The following DPAGT1 variants were observed in gnomAD, a reference collection of about 807,000 sequenced individuals.
DPAGT1 encodes UDP-N-acetylglucosamine--dolichyl-phosphate N-acetylglucosaminephosphotransferase.
Under a neutral mutation model 39.3 loss-of-function variants are expected in DPAGT1, and 25 were observed. That is an observed-to-expected ratio of 0.64 (90% confidence interval 0.46 to 0.89). DPAGT1 has a LOEUF of 0.89. Among genes scored for constraint, DPAGT1 ranks in the 40% least tolerant of loss-of-function variants. The pLI is 0.00. For synonymous variants in DPAGT1, 193 were observed against 201.4 expected, an observed-to-expected ratio of 0.96 and a Z score of 0.36; for missense variants, 381 against 500.6, an observed-to-expected ratio of 0.76 and a Z score of 2.28.
chr11:119,101,072 G>A lies in DPAGT1; in HGVS notation c.228C>T (p.Phe76=). 6.2e-7 allele frequency: 1 copy of A among 1,614,186 alleles called. No homozygotes were observed. Among genetic ancestry groups the A allele is most frequent in the Non-Finnish European group, 8.5e-7 (1 of 1,180,038 alleles). Residue 76 remains phenylalanine (F), a synonymous_variant, in exon 2 of 9, where the codon TTC becomes TTT. Coordinates refer to ENST00000354202, the MANE Select transcript of DPAGT1 (RefSeq NM_001382.4). The part of the protein sequence containing the change: ...FLIILFCFIP[F]PFLNCFVKEQ... The stretch of plus-strand genomic sequence containing the variant: ...CCTTCACAAAGCAGTTCAGGAAGGG[G>A]AAAGGGATGAAGCAGAAGAGGATGA...
Position 119,100,367 on chromosome 11 carries a change from A to G in DPAGT1, c.538T>C (p.Cys180Arg). 6.2e-7 allele frequency: 1 copy of G among 1,614,248 alleles called. No homozygotes were observed. The highest frequency in any genetic ancestry group is 1.1e-5 in the South Asian group (1 of 91,084). ...GCTAGGATATTGATGGCATTGGTACAGAACACTGCCAGCAGCCCCATGTAG... is the reference window on the plus strand; with the variant it reads ...GCTAGGATATTGATGGCATTGGTACGGAACACTGCCAGCAGCCCCATGTAG... The part of the protein sequence containing the change: ...YVYMGLLAVF[C>R]TNAINILAGI... The change falls in exon 4 of 9, where the codon TGT becomes CGT. Residue 180 changes from cysteine (C) to arginine (R), a missense_variant. Coordinates refer to ENST00000354202, the MANE Select transcript of DPAGT1 (RefSeq NM_001382.4).
At chr11:119,100,124 T>C in intron 4 of DPAGT1, 138 bp downstream of exon 4, 1 of 1,372,390 alleles carries the variant, frequency 7.3e-7, no homozygotes, top group Non-Finnish European at 1.0e-6. Context: ...TGCATTGTTA[T>C]TTGCAAAGTA....
rs943267484 is a variant in DPAGT1 at position 119,098,307 on chromosome 11, C to T, written c.728+96G>A. The stretch of plus-strand genomic sequence containing the variant: ...ACGCAGAAAACTCCATAGAGGTATG[C>T]GCAGGTTTAGCTTCACCACCACAAG... On this transcript the variant is annotated intron_variant, in intron 5 of 8. Coordinates refer to ENST00000354202, the MANE Select transcript of DPAGT1 (RefSeq NM_001382.4). 14 of 1,363,982 alleles carry T rather than the reference C, an allele frequency of 1.0e-5. No homozygotes were observed. In the African/African-American group the frequency reaches 1.1e-4, roughly 11 times the overall value. The allele number at this position is 1,363,982 out of a possible 1,614,324, so 84.5% of individuals were successfully genotyped here.
At chr11:119,095,467 T>C, downstream of DPAGT1, 1 of 1,436,678 alleles carries the variant, frequency 7.0e-7, no homozygotes, top group Non-Finnish European at 9.1e-7. Flanking sequence ...GTAACTGCTG[T>C]CGCGCGCGCG....
chr11:119,096,265 CTT>C (rs1254723443), downstream of DPAGT1, among the ~76,000 whole-genome samples: 1 of 152,202 alleles, frequency 6.6e-6, no homozygotes, highest in Admixed American at 6.5e-5. Flanking sequence ...CCCGGTGACT[CTT>C]TGAAAGTTTG....
intron 4 of DPAGT1, among the ~76,000 whole-genome samples, chr11:119,099,813 G>A (rs554854384): frequency 6.7e-6 from 1 of 149,584 alleles, no homozygotes; most frequent in African/African-American, 2.4e-5. Context: ...AAAAGAAGTG[G>A]TAGGAACTGA....
Position 119,097,295 on chromosome 11 carries a change from C to G in DPAGT1, c.1008G>C (p.Val336=). 3 of 1,614,188 alleles carry G rather than the reference C, an allele frequency of 1.9e-6. No homozygotes were observed. The South Asian group carries it at 3.3e-5, about 18-fold the overall frequency. ...CTGTCACCAGCTGGAGGCTCTCTGC[C>G]ACCTGGAGGGACCAGAGGTGAAGAG... The part of the protein sequence containing the change: ...LSFLGTFILK[V]AESLQLVTVH... The change falls in exon 8 of 9, where the codon GTG becomes GTC. Residue 336 remains valine (V), a splice_region_variant and synonymous_variant. Coordinates refer to ENST00000354202, the MANE Select transcript of DPAGT1 (RefSeq NM_001382.4). The surrounding 1 kb of genome is among the most constrained non-coding windows in gnomAD (Gnocchi z 4.6).
At chr11:119,098,233 CCTAA>C in intron 5 of DPAGT1, 166 bp downstream of exon 5, 4 of 1,087,814 alleles carry the variant, frequency 3.7e-6, no homozygotes, top group Non-Finnish European at 5.6e-6. Flanking sequence ...CGCACTCATC[CCTAA>C]CTACTACTGG....
At chr11:119,093,876 T>A (rs746512856), downstream of DPAGT1, 11 of 153,724 alleles carry the variant, frequency 7.2e-5, no homozygotes, top group Non-Finnish European at 1.2e-4. Context: ...ACGCTCCATT[T>A]AAAAAAAAAA....
chr11:119,100,455 G>C (rs1946478321), intron 3 of DPAGT1, 47 bp from the exon 4 acceptor site: 2 of 1,613,666 alleles, frequency 1.2e-6, no homozygotes, highest in African/African-American at 2.7e-5. Flanking sequence ...CCTAGGGGAG[G>C]AGGATTTAAG....
chr11:119,095,101 C>T, downstream of DPAGT1: 1 of 1,614,002 alleles, frequency 6.2e-7, no homozygotes, highest in Non-Finnish European at 8.5e-7. Flanking sequence ...TCACGCCGCC[C>T]AGCAGCTTGT....
chr11:119,097,240 A>G lies in DPAGT1; in HGVS notation c.1063T>C (p.Phe355Leu). 2.5e-6 allele frequency: 4 copies of G among 1,614,180 alleles called. No individual in the cohort carries two copies. Among genetic ancestry groups the G allele is most frequent in the Non-Finnish European group, 3.4e-6 (4 of 1,180,030 alleles). Residue 355 changes from phenylalanine (F) to leucine (L), a missense_variant, in exon 8 of 9, where the codon TTC (phenylalanine) becomes CTC (leucine). Phe to Leu is a conservative substitution (Grantham distance 22). Transcript: ENST00000354202. This position sits in a 1 kb window ranked among gnomAD's most constrained non-coding sequence, Gnocchi z 4.6. ...AGGGTCATGTTGTTACATTCAGTGA[A>G]TTCACCATCTTCAGTCTCACTCTGG... ...VHQSETEDGE[F>L]TECNNMTLIN... is the part of the protein sequence containing the mutation.
At chr11:119,101,400 T>C in intron 1 of DPAGT1, 95 bp downstream of exon 1, 1 of 1,606,410 alleles carries the variant, frequency 6.2e-7, no homozygotes, top group Admixed American at 1.7e-5. Flanking sequence ...GTTCTGAGTC[T>C]TCACGTGTGG....
Position 119,101,094 on chromosome 11 carries a change from A to T in DPAGT1, c.206T>A (p.Ile69Asn), listed in dbSNP as rs397514586. 6.2e-7 allele frequency: 1 copy of T among 1,614,120 alleles called. No individual in the cohort carries two copies. Residue 69 changes from isoleucine to asparagine, a missense_variant, in exon 2 of 9, where the codon ATC (isoleucine) becomes AAC (asparagine). Transcript: ENST00000354202. ...GGGGAAAGGGATGAAGCAGAAGAGG[A>T]TGATAAGGAAAACAGCACCGCTGAT... is the stretch of plus-strand genomic sequence containing the variant. The part of the protein sequence containing the change: ...GVISGAVFLI[I>N]LFCFIPFPFL...
chr11:119,094,978 G>A (rs1064180), downstream of DPAGT1: 163 of 1,611,982 alleles, frequency 1.0e-4, 3 homozygotes, highest in Middle Eastern at 9.5e-3. Flanking sequence ...ACTCCTGGGA[G>A]GCCTGGGTGG....
At chr11:119,100,166 G>A (rs2134910100) in intron 4 of DPAGT1, 96 bp downstream of exon 4, 5 of 1,555,032 alleles carry the variant, frequency 3.2e-6, no homozygotes, top group Non-Finnish European at 4.4e-6. Context: ...TAATTACTAT[G>A]CATATTGCTT....
Position 119,098,431 on chromosome 11 carries a change from T to TG in DPAGT1, c.699dup (p.Thr234HisfsTer116), listed in dbSNP as rs397515321. 8.1e-6 allele frequency: 13 copies of TG among 1,613,380 alleles called. No individual in the cohort carries two copies. Among genetic ancestry groups the TG allele is most frequent in the Non-Finnish European group, 1.1e-5 (13 of 1,179,822 alleles). On this transcript the variant is annotated frameshift_variant, in exon 5 of 9. Transcript: ENST00000354202. LOFTEE classifies it high-confidence loss of function. ...TTGTGGTAGAGCAATCCCAAAGTGG[T>TG]GAAAAAAAAGGGTATCATGAAGTAG...
downstream of DPAGT1, chr11:119,095,561 G>A: frequency 1.3e-6 from 1 of 761,498 alleles, no homozygotes; most frequent in Non-Finnish European, 2.0e-6. Flanking sequence ...GCCTCCGGTT[G>A]GTTGCGGTTA....
chr11:119,094,842 C>T, downstream of DPAGT1: 2 of 1,089,496 alleles, frequency 1.8e-6, no homozygotes, highest in Non-Finnish European at 2.5e-6. Flanking sequence ...AAGGGAGCCG[C>T]GGCCCGCTTG....
Sources: gnomAD v4.1 joint callset for allele counts (sites outside exome capture counted in the v4.1 genomes callset) on GRCh38, gnomAD v4.1.1 for gene constraint, Gnocchi (gnomAD v3.1) non-coding constraint, MANE v1.5 for transcripts, NCBI Gene and HGNC (gene_info 2026-07-23, HGNC 2026-07-21) for gene names.